The following CDH18 variants were observed in gnomAD, a reference collection of about 807,000 sequenced individuals.
CDH18 encodes the protein cadherin-18.
In CDH18, 31 loss-of-function variants were observed where a neutral mutation model predicts 67.9. That is an observed-to-expected ratio of 0.46 (90% CI 0.34 to 0.62). The LOEUF (loss-of-function observed/expected upper bound fraction) is 0.62. CDH18 is among the 20% of genes least tolerant of loss of function. The pLI is 0.01. For synonymous variants in CDH18, 362 were observed against 347.2 expected (o/e 1.04, Z -0.48); for missense variants, 890 against 975.5 (o/e 0.91, Z 1.17).
chr5:19,831,159 A>C (rs1379262930), intron 3 of CDH18, among the ~76,000 whole-genome samples: 1 of 152,082 alleles, frequency 6.6e-6, no homozygotes, highest in Non-Finnish European at 1.5e-5. Context: ...CTATATAACA[A>C]ACCTAAAATA....
chr5:20,477,441 C>T (rs1198573201), intron 1 of CDH18, among the ~76,000 whole-genome samples: 1 of 152,192 alleles, frequency 6.6e-6, no homozygotes, highest in African/African-American at 2.4e-5. Flanking sequence ...GCAGTGGCCA[C>T]ATAATGTGGA....
At chr5:19,473,872 A>T (rs939846103) in intron 12 of CDH18, among the ~76,000 whole-genome samples, 156 bp from the exon 13 acceptor site, 1 of 152,166 alleles carries the variant, frequency 6.6e-6, no homozygotes, top group African/African-American at 2.4e-5. Context: ...CTCTCTGAAT[A>T]ACACCGCAAG....
At chr5:20,404,788 G>C (rs898109779) in intron 1 of CDH18, among the ~76,000 whole-genome samples, 3 of 152,096 alleles carry the variant, frequency 2.0e-5, no homozygotes, top group Non-Finnish European at 4.4e-5. Context: ...GACGTGAGTT[G>C]ACTTACTCCA....
intron 4 of CDH18, 139 bp downstream of exon 4, chr5:19,746,803 A>C: frequency 1.4e-6 from 1 of 707,496 alleles, no homozygotes; most frequent in Non-Finnish European, 2.3e-6. Flanking sequence ...TATGCCACAA[A>C]AAATACTAAA....
At position 20,423,864 on chromosome 5, in the gene CDH18, A is replaced by G. The variant is rs547398297; in HGVS notation, c.-580+151598T>C. On this transcript the variant is annotated intron_variant, in intron 1 of 14. Coordinates refer to the CDH18 transcript ENST00000507958. ...CGGGAGGCTGAGGCAGGAGAATGGC[A>G]TGAACCCGGGAGGTGGAGCTTGCAG... Among the ~76,000 whole-genome samples, 153 of 143,750 alleles carry G rather than the reference A, an allele frequency of 1.1e-3. 9 individuals carry two copies. Among genetic ancestry groups the G allele is most frequent in the African/African-American group, 3.6e-3 (133 of 37,372 alleles). The allele number at this position is 143,750 out of a possible 152,430, so 94.3% of individuals were successfully genotyped here.
At chr5:19,773,368 T>C (rs1289075284) in intron 3 of CDH18, among the ~76,000 whole-genome samples, 1 of 151,962 alleles carries the variant, frequency 6.6e-6, no homozygotes, top group East Asian at 1.9e-4. Flanking sequence ...AAAATAGAGA[T>C]GAAAAGAGAG....
chr5:19,903,977 C>T (rs1456851067), intron 2 of CDH18, among the ~76,000 whole-genome samples: 3 of 151,808 alleles, frequency 2.0e-5, no homozygotes, highest in Non-Finnish European at 2.9e-5. Context: ...ACAGCGTATA[C>T]GAAATCAGAC....
chr5:20,305,137 A>G (rs773761938), intron 1 of CDH18: 72 of 1,488,610 alleles, frequency 4.8e-5, no homozygotes, highest in Non-Finnish European at 6.6e-5. Flanking sequence ...GGGCTCTGCC[A>G]CTGCCTTTGC....
In CDH18 at chr5:19,687,180, T is replaced by C. The variant is rs147451948; in HGVS notation, c.643+34167A>G. ...CCTTGATGCCGGCATGCTGTGAGAC[T>C]GGCTTGGGGAGCTACCTGAAGAGAG... On this transcript the variant is annotated intron_variant, in intron 5 of 12. Transcript: ENST00000382275. 8.6e-3 allele frequency among the ~76,000 whole-genome samples: 1,312 copies of C among 152,220 alleles called. 12 individuals carry two copies. Among genetic ancestry groups the C allele is most frequent in the Middle Eastern group, 0.014 (4 of 294 alleles).
At chr5:19,540,178 G>A (rs192887244) in intron 9 of CDH18, among the ~76,000 whole-genome samples, 49 of 152,206 alleles carry the variant, frequency 3.2e-4, no homozygotes, top group African/African-American at 1.1e-3. Context: ...TCCCATGCAA[G>A]TCTGAAATCC....
At chr5:20,100,772 A>G (rs1746391777) in intron 2 of CDH18, among the ~76,000 whole-genome samples, 2 of 152,090 alleles carry the variant, frequency 1.3e-5, no homozygotes. Context: ...GTTTCTTTGC[A>G]AATAAGAGAA....
At chr5:19,581,255 C>T (rs1376794920) in intron 7 of CDH18, among the ~76,000 whole-genome samples, 2 of 151,876 alleles carry the variant, frequency 1.3e-5, no homozygotes. Context: ...TTAATTTCAT[C>T]CTATAACTCC....
chr5:19,628,593 G>A (rs1373290146), intron 5 of CDH18, among the ~76,000 whole-genome samples: 1 of 152,082 alleles, frequency 6.6e-6, no homozygotes, highest in African/African-American at 2.4e-5. Flanking sequence ...ATGATCCAAA[G>A]TGTTTGACCT....
intron 2 of CDH18, among the ~76,000 whole-genome samples, chr5:19,841,610 T>C (rs1782330839): frequency 6.6e-6 from 1 of 151,824 alleles, no homozygotes. Flanking sequence ...CTTTTCTTCT[T>C]AGAAGCCAAG....
intron 5 of CDH18, among the ~76,000 whole-genome samples, chr5:19,627,138 G>T (rs940584635): frequency 2.0e-5 from 3 of 152,118 alleles, no homozygotes; most frequent in Admixed American, 2.0e-4. Context: ...AAAATCAGTG[G>T]CAGTGGATGT....
At chr5:20,048,182 A>C (rs1227752955) in intron 2 of CDH18, among the ~76,000 whole-genome samples, 1 of 151,628 alleles carries the variant, frequency 6.6e-6, no homozygotes, top group Non-Finnish European at 1.5e-5. Flanking sequence ...TATAATATAA[A>C]TCTATATTCT....
At chr5:19,980,350 A>G (rs1271145403) in intron 2 of CDH18, among the ~76,000 whole-genome samples, 1 of 152,182 alleles carries the variant, frequency 6.6e-6, no homozygotes, top group African/African-American at 2.4e-5. Flanking sequence ...TGATTTACAT[A>G]AATACATACA....
At position 20,425,287 on chromosome 5, in the gene CDH18, C is replaced by T. The variant is rs62352838; in HGVS notation, c.-580+150175G>A. On this transcript the variant is annotated intron_variant, in intron 1 of 14. Coordinates refer to the CDH18 transcript ENST00000507958. ...CTCGGGAGGCGAGGCAGGAGAATTGCTTCAACATGGGAGGTGGAGGTTGCA... is the reference window on the plus strand; with the variant it reads ...CTCGGGAGGCGAGGCAGGAGAATTGTTTCAACATGGGAGGTGGAGGTTGCA... 8.6e-3 allele frequency among the ~76,000 whole-genome samples: 1,302 copies of T among 150,698 alleles called. 17 individuals are homozygous for T. The highest frequency in any genetic ancestry group is 0.013 in the Non-Finnish European group (891 of 67,982).
At chr5:19,644,389 A>G (rs1754450286) in intron 5 of CDH18, among the ~76,000 whole-genome samples, 1 of 151,898 alleles carries the variant, frequency 6.6e-6, no homozygotes, top group Non-Finnish European at 1.5e-5. Flanking sequence ...CCAAAAAAAA[A>G]TGAGTAAGGG....
Sources: allele counts gnomAD v4.1 joint callset (sites outside exome capture counted in the v4.1 genomes callset), GRCh38; gene constraint gnomAD v4.1.1; transcripts MANE v1.5; gene names NCBI Gene and HGNC (gene_info 2026-07-23, HGNC 2026-07-21).